BCR: variants seen among roughly 807,000 people sequenced by gnomAD.
BCR encodes BCR activator of RhoGEF and GTPase.
In BCR, 58 loss-of-function variants were observed where a neutral mutation model predicts 138.6. The ratio of observed to expected loss-of-function variants is 0.42; its 90% CI spans 0.34 to 0.52. BCR has a LOEUF of 0.52. Ranked by LOEUF, BCR falls within the 20% of genes least tolerant of loss-of-function variation. The probability of loss-of-function intolerance (pLI) is 0.06; values close to 1 mark genes in which losing one functional copy is unlikely to be tolerated. For synonymous variants in BCR, 786 were observed against 730.1 expected, an observed-to-expected ratio of 1.08 and a Z score of -1.23; for missense variants, 1,599 against 1,727.2, an observed-to-expected ratio of 0.93 and a Z score of 1.32.
At chr22:23,246,008 A>G (rs143964153) in intron 1 of BCR, among the ~76,000 whole-genome samples, 13 of 152,258 alleles carry the variant, frequency 8.5e-5, no homozygotes, top group African/African-American at 3.1e-4. Flanking sequence ...GGGTTTACGT[A>G]TTGTGGGGAT....
At position 23,181,293 on chromosome 22, in the gene BCR, G is replaced by T; in HGVS notation, c.333G>T (p.Glu111Asp). ...ACGGAGCCGACCCGCCGCCCGCCGA[G>T]GAGCCCGAGGCCCGGCCCGACGGCG... ...PADGADPPPAEEPEARPDGEG... is the reference protein window; with the variant it reads ...PADGADPPPADEPEARPDGEG... The change falls in exon 1 of 23, where the codon GAG (glutamate) becomes GAT (aspartate). Residue 111 changes from glutamate to aspartate, a missense_variant. Coordinates refer to ENST00000305877, the MANE Select transcript of BCR (RefSeq NM_004327.4). The T allele has an allele frequency of 7.6e-7, 1 of 1,312,768 alleles. No homozygotes were observed. Among genetic ancestry groups the T allele is most frequent in the Non-Finnish European group, 9.7e-7 (1 of 1,026,922 alleles). The allele number at this position is 1,312,768 out of a possible 1,614,324, so 81.3% of individuals were successfully genotyped here. A position where few individuals can be genotyped will look rare whatever the true frequency, so the allele number is the denominator to read the frequency against.
intron 8 of BCR, among the ~76,000 whole-genome samples, chr22:23,282,799 G>T (rs917006568): frequency 1.3e-5 from 2 of 152,222 alleles, no homozygotes; most frequent in Non-Finnish European, 2.9e-5. Flanking sequence ...TCTCAGTGCA[G>T]GGCGGGCGTC....
At chr22:23,289,739 A>G in intron 13 of BCR, 118 bp downstream of exon 13, 1 of 879,728 alleles carries the variant, frequency 1.1e-6, no homozygotes, top group Non-Finnish European at 1.8e-6. Context: ...TTGGTTCAGA[A>G]GGAAGAGCTA....
intron 1 of BCR, among the ~76,000 whole-genome samples, chr22:23,224,923 C>T (rs1006655150): frequency 1.3e-5 from 2 of 151,978 alleles, no homozygotes; most frequent in African/African-American, 4.8e-5. Context: ...CCCCTGCAGG[C>T]CCCCCGCTTC....
intron 4 of BCR, among the ~76,000 whole-genome samples, chr22:23,267,507 A>C (rs1394738748): frequency 6.6e-6 from 1 of 152,222 alleles, no homozygotes; most frequent in Non-Finnish European, 1.5e-5. Context: ...GCAAATGCAC[A>C]TGGAAATAAA....
rs1024825971 is a variant in BCR, at chr22:23,273,502, T to C, written c.1975-132T>C. 3.2e-6 allele frequency: 4 copies of C among 1,246,436 alleles called. No individual in the cohort carries two copies. The African/African-American group carries it at 5.9e-5, about 18-fold the overall frequency. 77.2% of individuals were successfully genotyped at this position (1,246,436 alleles called of 1,614,324 possible). A position where few individuals can be genotyped will look rare whatever the true frequency, so the allele number is the denominator to read the frequency against. On this transcript the variant is annotated intron_variant, in intron 7 of 22. Transcript: ENST00000305877. ...TCTGTCCACAAAGCTGGGGCCCAAG[T>C]GAGAGAGACTGTGGTGACACTGAGG...
intron 4 of BCR, chr22:23,262,957 C>G (rs373007954): frequency 2.0e-6 from 2 of 1,020,658 alleles, no homozygotes; most frequent in Non-Finnish European, 1.3e-6. Flanking sequence ...GAGGAAGGGG[C>G]GAGAGGCATC....
intron 1 of BCR, among the ~76,000 whole-genome samples, chr22:23,207,513 C>T (rs2072631102): frequency 6.6e-6 from 1 of 151,584 alleles, no homozygotes; most frequent in Non-Finnish European, 1.5e-5. Context: ...GTTCCAGCTA[C>T]TCTGGAGGCT....
At chr22:23,302,716 C>G (rs1022645289) in intron 16 of BCR, 3 of 152,284 alleles carry the variant, frequency 2.0e-5, no homozygotes, top group Non-Finnish European at 4.4e-5. Flanking sequence ...GTCACCACCA[C>G]TCCTCCGACT....
At chr22:23,207,099 T>C (rs76105221) in intron 1 of BCR, among the ~76,000 whole-genome samples, 4,139 of 152,174 alleles carry the variant, frequency 0.027, 169 homozygotes, top group African/African-American at 0.092. Context: ...CATCCATCCA[T>C]TCATCCTCCA....
intron 1 of BCR, among the ~76,000 whole-genome samples, chr22:23,187,746 A>G (rs942672186): frequency 3.9e-5 from 6 of 152,154 alleles, no homozygotes; most frequent in African/African-American, 1.4e-4. Context: ...AGTGATTAGC[A>G]TATTCATCAC....
intron 1 of BCR, among the ~76,000 whole-genome samples, chr22:23,212,452 G>GAGT (rs902387468): frequency 1.3e-5 from 2 of 152,250 alleles, no homozygotes; most frequent in African/African-American, 4.8e-5. Context: ...CCTTAACAGG[G>GAGT]AGTACACTGG....
intron 1 of BCR, among the ~76,000 whole-genome samples, chr22:23,223,694 A>G (rs1214050443): frequency 6.6e-6 from 1 of 152,066 alleles, no homozygotes; most frequent in Non-Finnish European, 1.5e-5. Flanking sequence ...TCCAGTTGGC[A>G]AGGGTCCAGG....
At chr22:23,276,891 G>A (rs1392487896) in intron 8 of BCR, among the ~76,000 whole-genome samples, 1 of 152,256 alleles carries the variant, frequency 6.6e-6, no homozygotes, top group African/African-American at 2.4e-5. Context: ...TTCCCTGGGT[G>A]TCCGTGCTCT....
intron 10 of BCR, among the ~76,000 whole-genome samples, chr22:23,285,678 CT>C (rs1361411321): frequency 1.3e-5 from 2 of 152,170 alleles, no homozygotes; most frequent in African/African-American, 4.8e-5. Flanking sequence ...AGGCAAACAC[CT>C]CCTAGTTTTT....
chr22:23,194,985 G>A (rs2072460342), intron 1 of BCR, among the ~76,000 whole-genome samples: 1 of 151,972 alleles, frequency 6.6e-6, no homozygotes, highest in Admixed American at 6.6e-5. Context: ...AAAAACCATT[G>A]CTTTTTTTTG....
intron 16 of BCR, among the ~76,000 whole-genome samples, chr22:23,300,138 C>T (rs1463636740): frequency 1.3e-5 from 2 of 152,040 alleles, no homozygotes; most frequent in African/African-American, 4.8e-5. Flanking sequence ...TTTTTTCATC[C>T]TCTCAAACTG....
At chr22:23,228,652 C>T (rs575217606) in intron 1 of BCR, among the ~76,000 whole-genome samples, 1 of 152,244 alleles carries the variant, frequency 6.6e-6, no homozygotes, top group East Asian at 1.9e-4. Context: ...GTTGACAGTT[C>T]CTTTCTTTTA....
chr22:23,301,521 A>G (rs779707505), intron 16 of BCR, among the ~76,000 whole-genome samples: 9 of 152,184 alleles, frequency 5.9e-5, no homozygotes, highest in Non-Finnish European at 1.2e-4. Flanking sequence ...TCTTGGATGG[A>G]TGTTGATGCC....
Sources: gnomAD v4.1 joint callset for allele counts (sites outside exome capture counted in the v4.1 genomes callset) on GRCh38, gnomAD v4.1.1 for gene constraint, MANE v1.5 for transcripts, NCBI Gene and HGNC (gene_info 2026-07-23, HGNC 2026-07-21) for gene names.